Variants in APP observed in about 807,000 individuals in gnomAD.
APP encodes amyloid beta precursor protein.
Under a neutral mutation model 101.4 loss-of-function variants are expected in APP, and 31 were observed. The observed-to-expected ratio is 0.31, with a 90% CI of 0.23 to 0.41. APP has a LOEUF of 0.41. Among genes scored for constraint, APP ranks in the 10% least tolerant of loss-of-function variants. The probability of loss-of-function intolerance (pLI) is 1.00; values close to 1 mark genes in which losing one functional copy is unlikely to be tolerated. For missense variants in APP, 839 were observed against 1,003.7 expected, an observed-to-expected ratio of 0.84 and a Z score of 2.22; for synonymous variants, 366 against 364.4, an observed-to-expected ratio of 1.00 and a Z score of -0.05.
intron 3 of APP, among the ~76,000 whole-genome samples, chr21:26,074,550 A>G (rs2061467426): frequency 6.6e-6 from 1 of 152,206 alleles, no homozygotes; most frequent in Non-Finnish European, 1.5e-5. Context: ...CAGGAGATCG[A>G]GACCATCGTG....
chr21:25,929,955 C>T (rs1412616282), intron 13 of APP, among the ~76,000 whole-genome samples: 1 of 152,156 alleles, frequency 6.6e-6, no homozygotes, highest in Non-Finnish European at 1.5e-5. Context: ...GTAAACCTCT[C>T]CTTTGCTTCT....
intron 13 of APP, among the ~76,000 whole-genome samples, chr21:25,933,063 A>T (rs148106461): frequency 3.9e-5 from 6 of 152,318 alleles, no homozygotes; most frequent in African/African-American, 1.2e-4. Flanking sequence ...GGAAAGATCA[A>T]ATCAGTATAA....
At chr21:26,010,644 T>C (rs1241281260) in intron 6 of APP, among the ~76,000 whole-genome samples, 1 of 150,620 alleles carries the variant, frequency 6.6e-6, no homozygotes, top group Non-Finnish European at 1.5e-5. Flanking sequence ...ACCCTGTCTC[T>C]ACTAAAACTA....
At chr21:25,914,666 G>T (rs2039261581) in intron 13 of APP, among the ~76,000 whole-genome samples, 1 of 148,460 alleles carries the variant, frequency 6.7e-6, no homozygotes, top group African/African-American at 2.5e-5. Context: ...CCATTCTCCT[G>T]CCTCAGCCTC....
chr21:26,162,280 A>T (rs2063508024), intron 1 of APP, among the ~76,000 whole-genome samples: 1 of 152,206 alleles, frequency 6.6e-6, no homozygotes, highest in African/African-American at 2.4e-5. Context: ...AGATCACACC[A>T]CTGCACTTCA....
At chr21:26,032,267 A>G (rs1388833856) in intron 5 of APP, among the ~76,000 whole-genome samples, 1 of 152,016 alleles carries the variant, frequency 6.6e-6, no homozygotes, top group Non-Finnish European at 1.5e-5. Flanking sequence ...TGTAGGGTCA[A>G]ATATCAAATA....
chr21:26,153,741 T>C (rs762794540), intron 1 of APP, among the ~76,000 whole-genome samples: 7 of 152,316 alleles, frequency 4.6e-5, no homozygotes, highest in Non-Finnish European at 7.4e-5. Flanking sequence ...AACTTCAAGG[T>C]TGATATTTCC....
Position 25,955,731 on chromosome 21 carries a change from T to A in APP, c.1483A>T (p.Lys495Ter). The change falls in exon 12 of 18, where the codon AAG becomes TAG. Residue 495 changes from lysine (K) to a stop codon, truncating the protein, a stop_gained. Transcript: ENST00000346798. LOFTEE classifies it high-confidence loss of function. Reference protein sequence around the residue: ...PRPRHVFNMLKKYVRAEQKDR... With the variant: ...PRPRHVFNML ...TTCTGTTCTGCGCGGACATACTTCT[T>A]TAGCATATTGAACACGTGACGAGGC... 6.2e-7 allele frequency: 1 copy of A among 1,614,172 alleles called. No individual in the cohort carries two copies. The highest frequency in any genetic ancestry group is 8.5e-7 in the Non-Finnish European group (1 of 1,180,030).
chr21:25,895,377 G>T (rs924344030), intron 16 of APP, among the ~76,000 whole-genome samples: 11 of 152,086 alleles, frequency 7.2e-5, no homozygotes, highest in African/African-American at 2.7e-4. Context: ...TGTTGGCCAG[G>T]ATGCTCTCGA....
At chr21:26,149,864 T>C (rs1428052229) in intron 1 of APP, among the ~76,000 whole-genome samples, 1 of 152,200 alleles carries the variant, frequency 6.6e-6, no homozygotes, top group Admixed American at 6.5e-5. Flanking sequence ...TGCAAATTGA[T>C]GGAATGTTTG....
chr21:25,889,387 C>A (rs970726716), intron 17 of APP, among the ~76,000 whole-genome samples: 5 of 152,134 alleles, frequency 3.3e-5, no homozygotes, highest in African/African-American at 1.2e-4. Flanking sequence ...ATCTTACACT[C>A]CAGAAATGTG....
chr21:26,053,936 T>C (rs960500653), intron 3 of APP, among the ~76,000 whole-genome samples: 4 of 152,230 alleles, frequency 2.6e-5, no homozygotes, highest in African/African-American at 9.6e-5. Context: ...AAATGTATAT[T>C]ATGCAAATTA....
intron 11 of APP, among the ~76,000 whole-genome samples, chr21:25,970,064 A>C (rs2041972896): frequency 6.6e-6 from 1 of 152,140 alleles, no homozygotes; most frequent in African/African-American, 2.4e-5. Flanking sequence ...TAAGAATTTA[A>C]CAGGAATCCT....
chr21:25,976,107 G>T, intron 9 of APP, 79 bp from the exon 10 acceptor site: 2 of 1,209,748 alleles, frequency 1.7e-6, no homozygotes, highest in Non-Finnish European at 2.4e-6. Flanking sequence ...GGATGATTAT[G>T]TTTTTCCTCT....
intron 3 of APP, among the ~76,000 whole-genome samples, chr21:26,061,335 A>G (rs746810769): frequency 1.3e-5 from 2 of 152,234 alleles, no homozygotes; most frequent in African/African-American, 4.8e-5. Context: ...ACTTGTATAC[A>G]CTAGATATGT....
chr21:26,166,781 A>T (rs2063620148), intron 1 of APP, among the ~76,000 whole-genome samples: 1 of 152,084 alleles, frequency 6.6e-6, no homozygotes, highest in Admixed American at 6.5e-5. Context: ...CTGGTCCTGC[A>T]TTCAGCCCCT....
chr21:26,010,785 C>T (rs1261482765), intron 6 of APP, among the ~76,000 whole-genome samples: 3 of 125,106 alleles, frequency 2.4e-5, no homozygotes, highest in Admixed American at 9.9e-5. Flanking sequence ...TGTGCCACTG[C>T]CTTCCAGCCT....
intron 13 of APP, among the ~76,000 whole-genome samples, chr21:25,929,622 C>T (rs214480): frequency 0.91 from 137,858 of 152,208 alleles, 62,496 homozygotes; most frequent in Non-Finnish European, 0.92. Context: ...AAGTAAGTTC[C>T]TAGATATAGA....
chr21:25,920,454 C>T lies in APP; in HGVS notation c.1688-8492G>A, dbSNP rs996633011. ...TGGCAAGTTGGATAAAGAGTCAAGA[C>T]CCATCAGTGTGCTGTATTCAGGAAA... is the stretch of plus-strand genomic sequence containing the variant. On this transcript the variant is annotated intron_variant, in intron 13 of 17. Coordinates refer to ENST00000346798, the MANE Select transcript of APP (RefSeq NM_000484.4). Among the ~76,000 whole-genome samples the T allele has an allele frequency of 1.6e-3, 246 of 151,956 alleles. 1 individual carries two copies. The highest frequency in any genetic ancestry group is 5.6e-3 in the African/African-American group (233 of 41,288).
Sources: gnomAD v4.1 joint callset for allele counts (sites outside exome capture counted in the v4.1 genomes callset) on GRCh38, gnomAD v4.1.1 for gene constraint, MANE v1.5 for transcripts, NCBI Gene and HGNC (gene_info 2026-07-23, HGNC 2026-07-21) for gene names.